JAKMIP2: variants seen among roughly 807,000 people sequenced by gnomAD.
JAKMIP2 encodes janus kinase and microtubule interacting protein 2, also known as janus kinase and microtubule-interacting protein 2.
JAKMIP2 carries 25 observed loss-of-function variants against 115.0 expected under a neutral mutation model. The ratio of observed to expected loss-of-function variants is 0.22; its 90% CI spans 0.16 to 0.30. The LOEUF is 0.30. Among genes scored for constraint, JAKMIP2 ranks in the 10% least tolerant of loss-of-function variants. The probability of loss-of-function intolerance (pLI) is 1.00; values close to 1 mark genes in which losing one functional copy is unlikely to be tolerated. For synonymous variants in JAKMIP2, 334 were observed against 343.6 expected (o/e 0.97, Z 0.31); for missense variants, 642 against 957.6 (o/e 0.67, Z 4.35).
At chr5:147,597,513 T>A (rs1484295627) in intron 21 of JAKMIP2, among the ~76,000 whole-genome samples, 1 of 152,116 alleles carries the variant, frequency 6.6e-6, no homozygotes. Context: ...GCTAGGCCAG[T>A]GTATGTGGAT....
At chr5:147,610,585 C>A (rs936383997) in intron 20 of JAKMIP2, among the ~76,000 whole-genome samples, 6 of 152,168 alleles carry the variant, frequency 3.9e-5, no homozygotes, top group African/African-American at 1.2e-4. Context: ...ACGTCAGATG[C>A]CAGCCAGAGT....
At chr5:147,718,778 T>C (rs1336049650) in intron 1 of JAKMIP2, among the ~76,000 whole-genome samples, 1 of 152,210 alleles carries the variant, frequency 6.6e-6, no homozygotes, top group Non-Finnish European at 1.5e-5. Flanking sequence ...ATCAATTTTG[T>C]TGATCCTTTC....
chr5:147,631,281 A>G (rs1757336175), intron 14 of JAKMIP2, 132 bp downstream of exon 14: 2 of 548,494 alleles, frequency 3.6e-6, no homozygotes, highest in Admixed American at 7.2e-5. Context: ...ACTATTTTCA[A>G]TTCCTACATA....
chr5:147,651,245 C>T (rs1041335262), intron 3 of JAKMIP2, among the ~76,000 whole-genome samples: 7 of 152,158 alleles, frequency 4.6e-5, no homozygotes, highest in Admixed American at 1.3e-4. Context: ...TATTTTCCCT[C>T]CCACATGTGT....
intron 2 of JAKMIP2, among the ~76,000 whole-genome samples, chr5:147,663,045 T>C (rs1759112189): frequency 6.6e-6 from 1 of 151,722 alleles, no homozygotes; most frequent in Non-Finnish European, 1.5e-5. Flanking sequence ...CCAGGAGTAA[T>C]AGCTAGTTGA....
At chr5:147,637,200 C>T in intron 10 of JAKMIP2, 152 bp from the exon 11 acceptor site, 3 of 630,436 alleles carry the variant, frequency 4.8e-6, no homozygotes, top group Non-Finnish European at 8.4e-6. Context: ...TTGTTTAAAA[C>T]TCCCTGTAGC....
At chr5:147,721,196 G>A (rs958151794) in intron 1 of JAKMIP2, among the ~76,000 whole-genome samples, 2 of 151,504 alleles carry the variant, frequency 1.3e-5, no homozygotes, top group Admixed American at 6.6e-5. Context: ...TGAGGAGGCA[G>A]TCTGCCCGTT....
chr5:147,692,450 T>A (rs1716170720), intron 1 of JAKMIP2, among the ~76,000 whole-genome samples: 1 of 152,164 alleles, frequency 6.6e-6, no homozygotes, highest in South Asian at 2.1e-4. Context: ...ATACAGATCT[T>A]CCTGAGATTT....
intron 10 of JAKMIP2, among the ~76,000 whole-genome samples, chr5:147,637,748 A>C (rs1757693161): frequency 6.6e-6 from 1 of 152,054 alleles, no homozygotes; most frequent in Non-Finnish European, 1.5e-5. Flanking sequence ...TTGTGCCTAA[A>C]TTTAAGTCCC....
intron 20 of JAKMIP2, among the ~76,000 whole-genome samples, chr5:147,604,968 C>G (rs1581271846): frequency 6.6e-6 from 1 of 151,902 alleles, no homozygotes; most frequent in East Asian, 1.9e-4. Context: ...AATGCTATCC[C>G]TCCCCTTGCT....
intron 1 of JAKMIP2, among the ~76,000 whole-genome samples, chr5:147,722,587 C>T (rs2126947261): frequency 6.6e-6 from 1 of 152,216 alleles, no homozygotes; most frequent in East Asian, 1.9e-4. Context: ...TTTTAAAATA[C>T]ATGACTAGCC....
chr5:147,671,840 A>T lies in JAKMIP2; in HGVS notation c.-34T>A. 1 of 1,512,156 alleles carries T rather than the reference A, an allele frequency of 6.6e-7. No individual in the cohort carries two copies. The highest frequency in any genetic ancestry group is 8.9e-7 in the Non-Finnish European group (1 of 1,125,014). 93.7% of individuals were successfully genotyped at this position (1,512,156 alleles called of 1,614,324 possible). A position where few individuals can be genotyped will look rare whatever the true frequency, so the allele number is the denominator to read the frequency against. ...TCTAAATGGAGTCTGTTGGTTTTTA[A>T]TTTCTTTCAAGCAGGTGCTGCCATG... On this transcript the variant is annotated 5_prime_UTR_variant, in exon 2 of 22. Transcript: ENST00000616793.
chr5:147,769,988 T>C (rs1455605396), intron 1 of JAKMIP2, among the ~76,000 whole-genome samples: 2 of 152,170 alleles, frequency 1.3e-5, no homozygotes, highest in African/African-American at 4.8e-5. Context: ...AAGAAAAATT[T>C]CTCATAAACT....
At chr5:147,668,003 A>G (rs1231813056) in intron 2 of JAKMIP2, among the ~76,000 whole-genome samples, 2 of 152,180 alleles carry the variant, frequency 1.3e-5, no homozygotes, top group Non-Finnish European at 2.9e-5. Flanking sequence ...CAAATGAGTT[A>G]AACAGTTTGA....
intron 13 of JAKMIP2, among the ~76,000 whole-genome samples, chr5:147,632,340 A>T (rs1203786925): frequency 1.3e-5 from 2 of 152,228 alleles, no homozygotes; most frequent in Non-Finnish European, 2.9e-5. Flanking sequence ...GATGGACATG[A>T]GTATTTAAAA....
At chr5:147,597,415 G>A (rs2126567520) in intron 21 of JAKMIP2, among the ~76,000 whole-genome samples, 1 of 152,208 alleles carries the variant, frequency 6.6e-6, no homozygotes, top group Middle Eastern at 3.4e-3. Flanking sequence ...AAAATTTATG[G>A]TTAACACTGG....
chr5:147,668,593 A>C (rs1029863013), intron 2 of JAKMIP2, among the ~76,000 whole-genome samples: 1 of 152,208 alleles, frequency 6.6e-6, no homozygotes, highest in East Asian at 1.9e-4. Context: ...CAGGCCAGGA[A>C]GTTTCCTCAT....
At position 147,601,862 on chromosome 5, in the gene JAKMIP2, A is replaced by G. The variant is rs1581267294; in HGVS notation, c.2413-51T>C. On this transcript the variant is annotated intron_variant, in intron 20 of 21. Coordinates refer to ENST00000616793, the MANE Select transcript of JAKMIP2 (RefSeq NM_001270941.2). Reference sequence around the variant, plus strand: ...TGTAAATCTGAATTTCTGTAGTGCCATTCAGGTAGTACAAAACCTCAGCTT... The same window carrying G: ...TGTAAATCTGAATTTCTGTAGTGCCGTTCAGGTAGTACAAAACCTCAGCTT... 12 of 826,454 alleles carry G rather than the reference A, an allele frequency of 1.5e-5. No homozygotes were observed. In the East Asian group the frequency reaches 2.7e-4, roughly 19 times the overall value. 51.2% of individuals were successfully genotyped at this position (826,454 alleles called of 1,614,324 possible). A position where few individuals can be genotyped will look rare whatever the true frequency, so the allele number is the denominator to read the frequency against.
intron 12 of JAKMIP2, among the ~76,000 whole-genome samples, chr5:147,635,911 G>A (rs1229946851): frequency 6.6e-6 from 1 of 152,134 alleles, no homozygotes; most frequent in Admixed American, 6.5e-5. Flanking sequence ...GTGCACGTGT[G>A]TGTGTGCGTG....
Sources: allele counts gnomAD v4.1 joint callset (sites outside exome capture counted in the v4.1 genomes callset), GRCh38; gene constraint gnomAD v4.1.1; transcripts MANE v1.5; gene names NCBI Gene and HGNC (gene_info 2026-07-23, HGNC 2026-07-21).